The following PTPRN2 variants were observed in gnomAD, a reference collection of about 807,000 sequenced individuals.
PTPRN2 encodes the protein receptor-type tyrosine-protein phosphatase N2.
In PTPRN2, 74 loss-of-function variants were observed where a neutral mutation model predicts 118.8. The ratio of observed to expected loss-of-function variants is 0.62; its 90% CI spans 0.52 to 0.76. The LOEUF is 0.76. Among genes scored for constraint, PTPRN2 ranks in the 30% least tolerant of loss-of-function variants. PTPRN2 has a pLI of 0.00. For synonymous variants in PTPRN2, 641 were observed against 608.0 expected, an observed-to-expected ratio of 1.05 and a Z score of -0.80; for missense variants, 1,481 against 1,394.4, an observed-to-expected ratio of 1.06 and a Z score of -0.99.
chr7:157,813,597 G>A lies in PTPRN2; in HGVS notation c.1788+85076C>T, dbSNP rs775382427. Reference sequence around the variant, plus strand: ...AAAGATCAGAGGACAAGATGCCCACGAATGATAAGCGCCTTTGCTGCCTCT... The same window carrying A: ...AAAGATCAGAGGACAAGATGCCCACAAATGATAAGCGCCTTTGCTGCCTCT... On this transcript the variant is annotated intron_variant, in intron 12 of 22. Coordinates refer to ENST00000389418, the MANE Select transcript of PTPRN2 (RefSeq NM_002847.5). The surrounding 1 kb of genome is among the most constrained non-coding windows in gnomAD (Gnocchi z 4.7). Among the ~76,000 whole-genome samples the A allele has an allele frequency of 3.3e-5, 5 of 152,146 alleles. No individual in the cohort carries two copies. The highest frequency in any genetic ancestry group is 6.5e-5 in the Admixed American group (1 of 15,276).
At chr7:157,979,871 C>G (rs565522201) in intron 11 of PTPRN2, among the ~76,000 whole-genome samples, 1 of 152,326 alleles carries the variant, frequency 6.6e-6, no homozygotes, top group African/African-American at 2.4e-5. Context: ...GCCAACCATA[C>G]CCTCATGTGA....
At chr7:157,890,961 C>T (rs1221754985) in intron 12 of PTPRN2, among the ~76,000 whole-genome samples, 1 of 152,222 alleles carries the variant, frequency 6.6e-6, no homozygotes, top group Non-Finnish European at 1.5e-5. Flanking sequence ...CAACAGCTGT[C>T]ACCCTGACAA....
intron 13 of PTPRN2, among the ~76,000 whole-genome samples, chr7:157,660,427 G>A (rs562596877): frequency 6.4e-4 from 98 of 152,100 alleles, no homozygotes; most frequent in Admixed American, 2.6e-3. Flanking sequence ...ACAAACTTCC[G>A]TTTTTATTGT....
At chr7:158,081,468 T>C in intron 10 of PTPRN2, 91 bp from the exon 11 acceptor site, 1 of 1,296,354 alleles carries the variant, frequency 7.7e-7, no homozygotes, top group Non-Finnish European at 1.1e-6. Context: ...GGTGTGTTTT[T>C]AAAAACGCAA....
intron 12 of PTPRN2, among the ~76,000 whole-genome samples, chr7:157,826,215 C>T (rs1223519613): frequency 2.7e-5 from 4 of 147,020 alleles, no homozygotes; most frequent in South Asian, 2.2e-4. Context: ...CGAACACGAT[C>T]GTCACAATCG....
Position 157,705,691 on chromosome 7 carries a change from T to C in PTPRN2, c.1789-22754A>G, listed in dbSNP as rs551473733. Among the ~76,000 whole-genome samples, 58 of 152,006 alleles carry C rather than the reference T, an allele frequency of 3.8e-4. No individual in the cohort carries two copies. In the South Asian group the frequency reaches 0.01, roughly 26 times the overall value. On this transcript the variant is annotated intron_variant, in intron 12 of 22. Coordinates refer to ENST00000389418, the MANE Select transcript of PTPRN2 (RefSeq NM_002847.5). The stretch of plus-strand genomic sequence containing the variant: ...CAGAATGCTGGGAATTGAGTGAATC[T>C]GACCCAGGTGCCTTCTGGATAAACG...
chr7:158,342,498 C>G (rs1208490319), intron 2 of PTPRN2, among the ~76,000 whole-genome samples: 1,560 of 58,326 alleles, frequency 0.027, 359 homozygotes, highest in Non-Finnish European at 0.036. Context: ...GTCACTCAAA[C>G]CCACACTCTC....
In PTPRN2 at chr7:157,729,703, G is replaced by A. The variant is rs1308379587; in HGVS notation, c.1789-46766C>T. Among the ~76,000 whole-genome samples the A allele has an allele frequency of 6.6e-6, 1 of 152,188 alleles. No individual in the cohort carries two copies. Among genetic ancestry groups the A allele is most frequent in the Admixed American group, 6.5e-5 (1 of 15,278 alleles). ...GGTCGCTAGGGTGAGGACGCTGAGA[G>A]CCCATGTGCTGGAAAGGACCCAGGA... is the stretch of plus-strand genomic sequence containing the variant. On this transcript the variant is annotated intron_variant, in intron 12 of 22. Coordinates refer to ENST00000389418, the MANE Select transcript of PTPRN2 (RefSeq NM_002847.5). This position sits in a 1 kb window ranked among gnomAD's most constrained non-coding sequence, Gnocchi z 4.3.
chr7:158,270,658 T>A (rs529753636), intron 3 of PTPRN2, among the ~76,000 whole-genome samples: 1 of 152,088 alleles, frequency 6.6e-6, no homozygotes, highest in Non-Finnish European at 1.5e-5. Flanking sequence ...GCCAACCCCT[T>A]TACCTGGCTG....
chr7:158,297,465 T>C (rs1055139284), intron 3 of PTPRN2, among the ~76,000 whole-genome samples: 1 of 152,214 alleles, frequency 6.6e-6, no homozygotes, highest in African/African-American at 2.4e-5. Context: ...CCTCAGCCCA[T>C]GACCTGGTGA....
At chr7:158,393,788 G>A (rs1032754920) in intron 2 of PTPRN2, among the ~76,000 whole-genome samples, 3 of 152,074 alleles carry the variant, frequency 2.0e-5, no homozygotes, top group Admixed American at 6.5e-5. Context: ...AGCCCACACC[G>A]TCTTCATGAT....
intron 2 of PTPRN2, among the ~76,000 whole-genome samples, chr7:158,447,983 G>C (rs1395766794): frequency 6.6e-6 from 1 of 152,218 alleles, no homozygotes; most frequent in Non-Finnish European, 1.5e-5. Flanking sequence ...ATCATCGTCA[G>C]CCCGAGGATG....
At chr7:158,339,921 ACT>A (rs1413017655) in intron 2 of PTPRN2, among the ~76,000 whole-genome samples, 1 of 106,472 alleles carries the variant, frequency 9.4e-6, no homozygotes, top group Non-Finnish European at 2.0e-5. Context: ...TCACACCCAC[ACT>A]CTCACCATAA....
chr7:157,822,780 T>C (rs1192181041), intron 12 of PTPRN2, among the ~76,000 whole-genome samples: 1 of 151,288 alleles, frequency 6.6e-6, no homozygotes, highest in Non-Finnish European at 1.5e-5. Context: ...CCATCCTTCC[T>C]CCTATATATC....
At chr7:158,328,364 G>A (rs56312709) in intron 2 of PTPRN2, among the ~76,000 whole-genome samples, 3,110 of 152,316 alleles carry the variant, frequency 0.02, 102 homozygotes, top group African/African-American at 0.07. Flanking sequence ...AGTTCGTAAT[G>A]AAACCTGAAG....
At chr7:157,897,130 T>G (rs1797174613) in intron 12 of PTPRN2, among the ~76,000 whole-genome samples, 1 of 152,206 alleles carries the variant, frequency 6.6e-6, no homozygotes. Context: ...CCCAAATTCC[T>G]GGACACCATT....
chr7:158,377,547 G>A lies in PTPRN2; in HGVS notation c.164-60615C>T, dbSNP rs566110055. 2.0e-5 allele frequency among the ~76,000 whole-genome samples: 3 copies of A among 152,300 alleles called. No homozygotes were observed. The South Asian group carries it at 6.2e-4, about 32-fold the overall frequency. ...AACCCCAGCAATGCAGAGTGCTAGGGAGGAGGCAGGCAACTGGCTGGCTCG... is the reference window on the plus strand; with the variant it reads ...AACCCCAGCAATGCAGAGTGCTAGGAAGGAGGCAGGCAACTGGCTGGCTCG... On this transcript the variant is annotated intron_variant, in intron 2 of 22. Transcript: ENST00000389418.
chr7:158,043,594 C>T (rs188664385), intron 11 of PTPRN2, among the ~76,000 whole-genome samples: 1 of 152,318 alleles, frequency 6.6e-6, no homozygotes, highest in East Asian at 1.9e-4. Flanking sequence ...CAGACATGGC[C>T]GTGAATGGGA....
At chr7:158,244,923 G>GC (rs1796120733) in intron 3 of PTPRN2, among the ~76,000 whole-genome samples, 1 of 152,210 alleles carries the variant, frequency 6.6e-6, no homozygotes, top group African/African-American at 2.4e-5. Context: ...GAGCCCCAGT[G>GC]CCCCGGGGTG....
Sources: gnomAD v4.1 joint callset for allele counts (sites outside exome capture counted in the v4.1 genomes callset) on GRCh38, gnomAD v4.1.1 for gene constraint, Gnocchi (gnomAD v3.1) non-coding constraint, MANE v1.5 for transcripts, NCBI Gene and HGNC (gene_info 2026-07-23, HGNC 2026-07-21) for gene names.